TACC2: variants seen among roughly 807,000 people sequenced by gnomAD.
TACC2 encodes the protein transforming acidic coiled-coil containing protein 2.
In TACC2, 137 loss-of-function variants were observed where a neutral mutation model predicts 227.3. That is an observed-to-expected ratio of 0.60 (90% CI 0.52 to 0.69). The LOEUF is 0.69. Ranked by LOEUF, TACC2 falls within the 30% of genes least tolerant of loss-of-function variation. The pLI, the probability that TACC2 is intolerant of heterozygous loss-of-function variation, is 0.00. For missense variants in TACC2, 3,470 were observed against 3,694.4 expected, an observed-to-expected ratio of 0.94 and a Z score of 1.57; for synonymous variants, 1,523 against 1,487.5, an observed-to-expected ratio of 1.02 and a Z score of -0.55.
At chr10:122,243,479 T>G (rs906858734) in intron 19 of TACC2, among the ~76,000 whole-genome samples, 1 of 152,160 alleles carries the variant, frequency 6.6e-6, no homozygotes, top group African/African-American at 2.4e-5. Context: ...GAGCTTCAAT[T>G]TTGATTTATT....
In TACC2 at chr10:122,060,328, A is replaced by T. The variant is rs867226236; in HGVS notation, c.146+9778A>T. Among the ~76,000 whole-genome samples, 9 of 152,308 alleles carry T rather than the reference A, an allele frequency of 5.9e-5. No homozygotes were observed. In the South Asian group the frequency reaches 1.5e-3, roughly 25 times the overall value. ...GAGCCCCAGGCAGAGCCCCAGGCAA[A>T]TCCCCAAGCAAGATGTGGTACCTGG... On this transcript the variant is annotated intron_variant, in intron 3 of 22. Coordinates refer to ENST00000369005, the MANE Select transcript of TACC2 (RefSeq NM_206862.4).
chr10:122,024,752 T>G (rs1957781667), intron 2 of TACC2, among the ~76,000 whole-genome samples: 1 of 152,234 alleles, frequency 6.6e-6, no homozygotes, highest in Non-Finnish European at 1.5e-5. Flanking sequence ...TCATTCCTTT[T>G]TATTGCTGAA....
At chr10:122,190,667 T>C (rs951638885) in intron 7 of TACC2, among the ~76,000 whole-genome samples, 4 of 152,122 alleles carry the variant, frequency 2.6e-5, no homozygotes, top group African/African-American at 9.7e-5. Context: ...TTAAAAATTA[T>C]TGCATGAACA....
chr10:122,034,564 G>C (rs1167022061), intron 2 of TACC2, among the ~76,000 whole-genome samples: 1 of 152,156 alleles, frequency 6.6e-6, no homozygotes, highest in East Asian at 1.9e-4. Context: ...GGAGAATCCA[G>C]TTCCCTGCAC....
At chr10:122,046,044 G>T (rs1441901763) in intron 2 of TACC2, among the ~76,000 whole-genome samples, 1 of 152,036 alleles carries the variant, frequency 6.6e-6, no homozygotes, top group Non-Finnish European at 1.5e-5. Flanking sequence ...GTGTGGTGGT[G>T]CATGCCTGTA....
At chr10:122,187,124 A>T (rs2094227087) in intron 7 of TACC2, among the ~76,000 whole-genome samples, 1 of 152,220 alleles carries the variant, frequency 6.6e-6, no homozygotes, top group South Asian at 2.1e-4. Flanking sequence ...TGTCACAAAT[A>T]AGCCAATTTC....
intron 8 of TACC2, among the ~76,000 whole-genome samples, chr10:122,203,093 C>CA (rs1206098048): frequency 2.0e-5 from 3 of 152,246 alleles, no homozygotes; most frequent in African/African-American, 4.8e-5. Context: ...TCCGATTTCT[C>CA]AATCTTTTCC....
Position 122,164,018 on chromosome 10 carries a change from G to A in TACC2, c.5834+20312G>A, listed in dbSNP as rs954279060. The A allele has an allele frequency of 4.5e-6, 7 of 1,563,996 alleles. No homozygotes were observed. In the Admixed American group the frequency reaches 5.6e-5, roughly 13 times the overall value. ...GTAAGTGCTCCGCCCGGGCCGCCCC[G>A]AGTCTCCCGGGGAGGAGGAGAGGAT... On this transcript the variant is annotated intron_variant, in intron 7 of 22. Transcript: ENST00000369005.
At chr10:122,091,241 G>T (rs949443491) in intron 5 of TACC2, among the ~76,000 whole-genome samples, 3 of 145,566 alleles carry the variant, frequency 2.1e-5, no homozygotes, top group African/African-American at 7.6e-5. Context: ...ACCCAATGTT[G>T]AAAATTTAGT....
At position 122,216,713 on chromosome 10, in the gene TACC2, C is replaced by T. The variant is rs749854819; in HGVS notation, c.7431C>T (p.Thr2477=). The part of the protein sequence containing the change: ...HATDEEKLAV[T]NQKWTCMTVD... ...CAGATGAGGAAAAGCTGGCGGTCACCAACCAGAAGTGGACGTGCATGACAG... is the reference window on the plus strand; with the variant it reads ...CAGATGAGGAAAAGCTGGCGGTCACTAACCAGAAGTGGACGTGCATGACAG... The change falls in exon 11 of 23, where the codon ACC becomes ACT. Residue 2477 remains threonine, a synonymous_variant. Transcript: ENST00000369005. 6.2e-7 allele frequency: 1 copy of T among 1,614,100 alleles called. No homozygotes were observed. The highest frequency in any genetic ancestry group is 8.5e-7 in the Non-Finnish European group (1 of 1,180,036).
intron 10 of TACC2, among the ~76,000 whole-genome samples, 165 bp downstream of exon 10, chr10:122,215,616 T>A (rs2095387701): frequency 6.6e-6 from 1 of 152,132 alleles, no homozygotes; most frequent in Admixed American, 6.5e-5. Context: ...ATTGTTTTGG[T>A]CCCTTCACTT....
chr10:122,249,072 G>A lies in TACC2; in HGVS notation c.8576G>A (p.Cys2859Tyr). ...CAGAATGAAGAGGTGTTGAAGAGAT[G>A]TGCGCAGGAGTACCTGTCCCGGGTG... ...FRKNEEVLKRCAQEYLSRVKK... is the reference protein window; with the variant it reads ...FRKNEEVLKRYAQEYLSRVKK... The change falls in exon 21 of 23, where the codon TGT becomes TAT. Residue 2859 changes from cysteine to tyrosine, a missense_variant. Transcript: ENST00000369005. 6.2e-7 allele frequency: 1 copy of A among 1,613,292 alleles called. No individual in the cohort carries two copies. The highest frequency in any genetic ancestry group is 2.2e-5 in the East Asian group (1 of 44,864).
chr10:122,251,092 T>A (rs572570409), intron 22 of TACC2, among the ~76,000 whole-genome samples: 26 of 151,878 alleles, frequency 1.7e-4, no homozygotes, highest in African/African-American at 5.6e-4. Context: ...CTAATTTTTT[T>A]AATTTTTGTT....
Position 122,082,811 on chromosome 10 carries a change from G to T in TACC2, c.311G>T (p.Arg104Leu), listed in dbSNP as rs781250337. The stretch of plus-strand genomic sequence containing the variant: ...CCCAGCCCACCACCGTCCCAGGAGC[G>T]AGAGCACCCCTCGTCCTCCATGCCC... Reference protein sequence around the residue: ...LLPSPPPSQEREHPSSSMPFA... With the variant: ...LLPSPPPSQELEHPSSSMPFA... The change falls in exon 4 of 23, where the codon CGA becomes CTA. Residue 104 changes from arginine to leucine, a missense_variant. Physicochemically the swap from Arg to Leu is moderately radical, Grantham distance 102. Coordinates refer to ENST00000369005, the MANE Select transcript of TACC2 (RefSeq NM_206862.4). The T allele has an allele frequency of 5.0e-6, 8 of 1,613,744 alleles. No homozygotes were observed. The East Asian group carries it at 1.8e-4, about 36-fold the overall frequency.
chr10:122,083,696 G>A lies in TACC2; in HGVS notation c.1196G>A (p.Gly399Glu). 6.2e-7 allele frequency: 1 copy of A among 1,613,300 alleles called. No individual in the cohort carries two copies. The highest frequency in any genetic ancestry group is 8.5e-7 in the Non-Finnish European group (1 of 1,180,036). The change falls in exon 4 of 23, where the codon GGG (glycine) becomes GAG (glutamate). Residue 399 changes from glycine (G) to glutamate (E), a missense_variant. By Grantham distance (98) the Gly-to-Glu change is moderately conservative. This residue lies in a region of TACC2 where 1,924 missense variants were observed against 1,978.3 expected (regional missense o/e 0.97). Transcript: ENST00000369005. ...VCVAAGGQPE[G>E]GLPVSPEPSL... ...GTGGCAGCAGGCGGCCAGCCCGAAG[G>A]GGGTTTGCCTGTGAGCCCTGAACCT...
chr10:122,096,281 G>A (rs1211415073), intron 5 of TACC2, among the ~76,000 whole-genome samples: 1 of 152,178 alleles, frequency 6.6e-6, no homozygotes, highest in Non-Finnish European at 1.5e-5. Flanking sequence ...CCAGGCCTGC[G>A]CACCCGTATC....
chr10:122,020,570 G>A (rs1957210372), intron 1 of TACC2, among the ~76,000 whole-genome samples: 1 of 152,194 alleles, frequency 6.6e-6, no homozygotes, highest in East Asian at 1.9e-4. Context: ...GTCAATGGGT[G>A]AATTTTAAGC....
At chr10:122,165,391 A>G (rs2093097493) in intron 7 of TACC2, among the ~76,000 whole-genome samples, 1 of 152,212 alleles carries the variant, frequency 6.6e-6, no homozygotes, top group African/African-American at 2.4e-5. Context: ...AGAAAGGACA[A>G]TGTGACTGTA....
intron 18 of TACC2, among the ~76,000 whole-genome samples, chr10:122,240,782 A>G (rs1027946237): frequency 6.6e-6 from 1 of 152,164 alleles, no homozygotes; most frequent in Non-Finnish European, 1.5e-5. Context: ...ATTCTTTTTG[A>G]GAAGTTTCTT....
Sources: gnomAD v4.1 joint callset for allele counts (sites outside exome capture counted in the v4.1 genomes callset) on GRCh38, gnomAD v4.1.1 for gene constraint, gnomAD v4.1.1 regional missense constraint, MANE v1.5 for transcripts, NCBI Gene and HGNC (gene_info 2026-07-23, HGNC 2026-07-21) for gene names.